The following SCFD2 variants were observed in gnomAD, a reference collection of about 807,000 sequenced individuals.
The protein encoded by SCFD2 is sec1 family domain-containing protein 2.
A neutral mutation model predicts 58.9 loss-of-function variants in SCFD2; 54 were observed. The ratio of observed to expected loss-of-function variants is 0.92; its 90% CI spans 0.74 to 1.15. The LOEUF (loss-of-function observed/expected upper bound fraction) is 1.15, where lower values mean the gene tolerates loss of function less well. Among genes scored for constraint, SCFD2 ranks in the 50% most tolerant of loss-of-function variants. SCFD2 has a pLI of 0.00. For missense variants in SCFD2, 805 were observed against 836.6 expected, an observed-to-expected ratio of 0.96 and a Z score of 0.47; for synonymous variants, 321 against 335.9, an observed-to-expected ratio of 0.96 and a Z score of 0.49.
chr4:53,257,788 G>GT (rs917373660), intron 4 of SCFD2, among the ~76,000 whole-genome samples: 4 of 147,456 alleles, frequency 2.7e-5, no homozygotes, highest in East Asian at 2.0e-4. Context: ...TGATATCATA[G>GT]TTTTTTTTAG....
At chr4:52,971,268 A>C (rs1215518043) in intron 5 of SCFD2, among the ~76,000 whole-genome samples, 1 of 152,126 alleles carries the variant, frequency 6.6e-6, no homozygotes, top group Non-Finnish European at 1.5e-5. Context: ...AAAAACCTTG[A>C]AAAAAAATTA....
chr4:53,024,734 A>G (rs957602415), intron 5 of SCFD2, among the ~76,000 whole-genome samples: 9 of 149,638 alleles, frequency 6.0e-5, no homozygotes, highest in East Asian at 3.9e-4. Flanking sequence ...AGCCACTCCA[A>G]ATAAGGTTTT....
intron 5 of SCFD2, among the ~76,000 whole-genome samples, chr4:53,077,902 T>A (rs1351976339): frequency 6.6e-6 from 1 of 152,164 alleles, no homozygotes; most frequent in African/African-American, 2.4e-5. Context: ...TACATAGCAC[T>A]TTTCTTGGTG....
intron 5 of SCFD2, among the ~76,000 whole-genome samples, chr4:53,033,278 A>G (rs1322083103): frequency 6.6e-6 from 1 of 152,228 alleles, no homozygotes; most frequent in African/African-American, 2.4e-5. Flanking sequence ...ACTGAGAAAG[A>G]AGACACAACA....
At chr4:53,026,135 C>T (rs988832710) in intron 5 of SCFD2, among the ~76,000 whole-genome samples, 2 of 152,098 alleles carry the variant, frequency 1.3e-5, no homozygotes, top group Admixed American at 1.3e-4. Context: ...TTTTGTTAAA[C>T]TGTGATTACA....
intron 1 of SCFD2, among the ~76,000 whole-genome samples, chr4:53,353,221 G>C (rs981112353): frequency 1.8e-4 from 27 of 151,958 alleles, no homozygotes; most frequent in African/African-American, 5.6e-4. Context: ...AGACCTTCGC[G>C]GTGAGTGTTA....
intron 1 of SCFD2, among the ~76,000 whole-genome samples, chr4:53,357,147 C>T (rs1734424749): frequency 6.6e-6 from 1 of 152,048 alleles, no homozygotes. Context: ...TCAAGCCAGG[C>T]TCGGTGGCTG....
chr4:53,363,645 A>C (rs1247090699), intron 1 of SCFD2, among the ~76,000 whole-genome samples: 1 of 151,946 alleles, frequency 6.6e-6, no homozygotes, highest in Admixed American at 6.6e-5. Context: ...ACCACGGTGA[A>C]ACCCCGTCTC....
At chr4:53,163,261 C>G (rs192903492) in intron 4 of SCFD2, among the ~76,000 whole-genome samples, 1 of 152,300 alleles carries the variant, frequency 6.6e-6, no homozygotes, top group African/African-American at 2.4e-5. Context: ...GAATCAGGGC[C>G]CAAAGTCAAA....
chr4:53,051,410 C>T (rs1723188098), intron 5 of SCFD2, among the ~76,000 whole-genome samples: 1 of 152,084 alleles, frequency 6.6e-6, no homozygotes, highest in Admixed American at 6.6e-5. Flanking sequence ...GCAACGGAGC[C>T]TCTCCAATCT....
intron 2 of SCFD2, among the ~76,000 whole-genome samples, chr4:53,321,000 G>A (rs989465702): frequency 6.6e-6 from 1 of 152,124 alleles, no homozygotes; most frequent in African/African-American, 2.4e-5. Flanking sequence ...AATATAAGTA[G>A]TTTCTATATT....
chr4:52,907,706 ATATGTG>A (rs914227432), intron 6 of SCFD2, 115 bp from the exon 7 acceptor site: 22 of 845,888 alleles, frequency 2.6e-5, no homozygotes, highest in African/African-American at 1.6e-4. Flanking sequence ...AGCAATGCCT[ATATGTG>A]TGTGTGTGTG....
rs558440574 is a variant in SCFD2, at chr4:53,200,020, G to T, written c.1312-54438C>A. On this transcript the variant is annotated intron_variant, in intron 4 of 8. Transcript: ENST00000401642. ...TTCTCTTGTGTCTCTTTTAATAAAG[G>T]CATTAATCCTATCAGAAGGTCCCAC... 5.9e-5 allele frequency among the ~76,000 whole-genome samples: 9 copies of T among 152,014 alleles called. No homozygotes were observed. In the East Asian group the frequency reaches 1.5e-3, roughly 26 times the overall value.
At chr4:53,193,154 C>G (rs1191892846) in intron 4 of SCFD2, among the ~76,000 whole-genome samples, 3 of 151,906 alleles carry the variant, frequency 2.0e-5, no homozygotes, top group South Asian at 2.1e-4. Flanking sequence ...TATATATGAC[C>G]AAAACAAGTC....
intron 5 of SCFD2, among the ~76,000 whole-genome samples, chr4:53,053,337 T>C (rs2148833734): frequency 6.6e-6 from 1 of 152,160 alleles, no homozygotes; most frequent in Non-Finnish European, 1.5e-5. Flanking sequence ...GTGCTGGGAA[T>C]ATTGTATATG....
At chr4:53,361,828 C>T (rs1210478704) in intron 1 of SCFD2, among the ~76,000 whole-genome samples, 5 of 152,114 alleles carry the variant, frequency 3.3e-5, no homozygotes, top group Admixed American at 3.3e-4. Flanking sequence ...TTGTGTATTA[C>T]TAATGATATG....
At chr4:53,253,974 T>C (rs990096310) in intron 4 of SCFD2, among the ~76,000 whole-genome samples, 17 of 151,820 alleles carry the variant, frequency 1.1e-4, no homozygotes, top group Admixed American at 1.0e-3. Context: ...TCATTATCCT[T>C]GGCAAAGTAG....
At chr4:53,095,928 T>C (rs558566967) in intron 5 of SCFD2, among the ~76,000 whole-genome samples, 1 of 152,238 alleles carries the variant, frequency 6.6e-6, no homozygotes, top group Non-Finnish European at 1.5e-5. Flanking sequence ...GCCCAGGTGT[T>C]CTCATTGTTC....
At chr4:53,243,511 G>A (rs1729966703) in intron 4 of SCFD2, among the ~76,000 whole-genome samples, 1 of 152,070 alleles carries the variant, frequency 6.6e-6, no homozygotes, top group Non-Finnish European at 1.5e-5. Flanking sequence ...ACTGTTACCA[G>A]CCACTACAAA....
Sources: gnomAD v4.1 joint callset for allele counts (sites outside exome capture counted in the v4.1 genomes callset) on GRCh38, gnomAD v4.1.1 for gene constraint, MANE v1.5 for transcripts, NCBI Gene and HGNC (gene_info 2026-07-23, HGNC 2026-07-21) for gene names.